CUBN: variants seen among roughly 807,000 people sequenced by gnomAD.
CUBN encodes cubilin.
A neutral mutation model predicts 405.3 loss-of-function variants in CUBN; 282 were observed. The ratio of observed to expected loss-of-function variants is 0.70; its 90% confidence interval spans 0.63 to 0.77. The LOEUF is 0.77. CUBN is among the 30% of genes least tolerant of loss of function. The pLI is 0.00. For synonymous variants in CUBN, 1,684 were observed against 1,617.0 expected, an observed-to-expected ratio of 1.04 and a Z score of -0.99; for missense variants, 4,514 against 4,475.2, an observed-to-expected ratio of 1.01 and a Z score of -0.25.
chr10:16,895,335 TTATACACACACACACACACACACATATA>T (rs1841150193), intron 54 of CUBN, among the ~76,000 whole-genome samples: 1 of 144,192 alleles, frequency 6.9e-6, no homozygotes. Flanking sequence ...ATATATATAT[TTATACACACACACACACACACACATATA>T]TATACACACA....
At position 16,952,345 on chromosome 10, in the gene CUBN, A is replaced by G; in HGVS notation, c.4900T>C (p.Ser1634Pro). The G allele has an allele frequency of 6.2e-7, 1 of 1,614,002 alleles. No homozygotes were observed. Among genetic ancestry groups the G allele is most frequent in the Non-Finnish European group, 8.5e-7 (1 of 1,179,904 alleles). ...ILTSSFDTVS[S>P]PRFPANYPNN... The stretch of plus-strand genomic sequence containing the variant: ...GGATAATTGGCAGGGAACCGTGGAG[A>G]GGAAACAGTATCAAATGAGCTGGTG... Residue 1634 changes from serine to proline, a missense_variant, in exon 33 of 67, where the codon TCT becomes CCT. By Grantham distance (74) the Ser-to-Pro change is moderately conservative. This residue lies in a region of CUBN where 1,613 missense variants were observed against 1,542.8 expected (regional missense o/e 1.05). Coordinates refer to ENST00000377833, the MANE Select transcript of CUBN (RefSeq NM_001081.4).
rs2131869647 is a variant in CUBN, at chr10:17,088,332, G to T, written c.1779C>A (p.Ile593=). 6.2e-7 allele frequency: 1 copy of T among 1,610,896 alleles called. No homozygotes were observed. Among genetic ancestry groups the T allele is most frequent in the Non-Finnish European group, 8.5e-7 (1 of 1,177,174 alleles). The change falls in exon 15 of 67, where the codon ATC becomes ATA. Residue 593 remains isoleucine (I), a synonymous_variant. Transcript: ENST00000377833. Reference sequence around the variant, plus strand: ...TAATAGAACCGTAAGGACCAGTCAGGATACCTCCACACTCTAAAATAAGAG... The same window carrying T: ...TAATAGAACCGTAAGGACCAGTCAGTATACCTCCACACTCTAAAATAAGAG... The part of the protein sequence containing the change: ...WETQQPECGG[I]LTGPYGSIKS...
chr10:17,018,094 G>A (rs1413970394), intron 28 of CUBN, among the ~76,000 whole-genome samples: 3 of 152,150 alleles, frequency 2.0e-5, no homozygotes, highest in South Asian at 2.1e-4. Context: ...TCCCAACTCC[G>A]AAGAGTTGGG....
intron 62 of CUBN, among the ~76,000 whole-genome samples, chr10:16,837,155 G>C (rs1192273445): frequency 6.6e-6 from 1 of 151,770 alleles, no homozygotes. Context: ...GCTGTATCCT[G>C]TGAACTTTAA....
At chr10:17,069,952 C>T (rs1835701336) in intron 19 of CUBN, among the ~76,000 whole-genome samples, 1 of 151,996 alleles carries the variant, frequency 6.6e-6, no homozygotes, top group African/African-American at 2.4e-5. Flanking sequence ...AAGGCTTTGC[C>T]TAAACTGAAG....
chr10:16,876,676 G>A (rs961873221), intron 57 of CUBN, among the ~76,000 whole-genome samples: 11 of 152,242 alleles, frequency 7.2e-5, no homozygotes, highest in Non-Finnish European at 1.3e-4. Flanking sequence ...TTCTTCATTT[G>A]ATTTTCAGAG....
chr10:16,970,556 A>C (rs1400971986), intron 31 of CUBN, among the ~76,000 whole-genome samples: 1 of 143,650 alleles, frequency 7.0e-6, no homozygotes, highest in Non-Finnish European at 1.5e-5. Flanking sequence ...AGCCTGGGCA[A>C]CAAGAGTGAA....
intron 56 of CUBN, among the ~76,000 whole-genome samples, chr10:16,885,149 T>G (rs117521166): frequency 6.6e-6 from 1 of 152,212 alleles, no homozygotes; most frequent in Non-Finnish European, 1.5e-5. Context: ...TCAATAAATG[T>G]CAGCATTGAT....
chr10:17,087,466 C>CTTTTCTTTTTTT (rs1404980820), intron 15 of CUBN, among the ~76,000 whole-genome samples: 3 of 79,770 alleles, frequency 3.8e-5, no homozygotes, highest in South Asian at 4.4e-4. Flanking sequence ...TATTATTTTT[C>CTTTTCTTTTTTT]TTTTTCTTTT....
chr10:16,828,545 C>T (rs1200108184), intron 66 of CUBN, among the ~76,000 whole-genome samples: 2 of 152,094 alleles, frequency 1.3e-5, no homozygotes, highest in Non-Finnish European at 2.9e-5. Context: ...TGGCAAAACC[C>T]TGTTTCTACT....
chr10:17,086,905 T>G (rs1836122653), intron 15 of CUBN, among the ~76,000 whole-genome samples: 1 of 152,216 alleles, frequency 6.6e-6, no homozygotes, highest in Admixed American at 6.5e-5. Flanking sequence ...TAGGAATTTT[T>G]TAAAGCCTCT....
At chr10:17,107,337 A>C (rs1836657747) in intron 10 of CUBN, among the ~76,000 whole-genome samples, 1 of 152,238 alleles carries the variant, frequency 6.6e-6, no homozygotes, top group Admixed American at 6.5e-5. Context: ...AATGGTTGAA[A>C]TAATACAAGG....
chr10:17,123,170 T>C (rs1326215804), intron 5 of CUBN, among the ~76,000 whole-genome samples: 1 of 152,164 alleles, frequency 6.6e-6, no homozygotes, highest in Non-Finnish European at 1.5e-5. Context: ...ACAGTGGTGC[T>C]ACATCTGGGA....
At chr10:16,898,059 AT>A (rs955666578) in intron 54 of CUBN, among the ~76,000 whole-genome samples, 16 of 64,416 alleles carry the variant, frequency 2.5e-4, no homozygotes, top group African/African-American at 8.9e-4. Flanking sequence ...AATGTATTTT[AT>A]TATATGTATA....
intron 22 of CUBN, among the ~76,000 whole-genome samples, chr10:17,064,202 T>C (rs1157590317): frequency 6.6e-6 from 1 of 152,182 alleles, no homozygotes; most frequent in African/African-American, 2.4e-5. Context: ...AAAGTATTGA[T>C]TGATTCTCTC....
chr10:17,122,670 A>T (rs76655219), intron 6 of CUBN, 125 bp downstream of exon 6: 1 of 699,802 alleles, frequency 1.4e-6, no homozygotes, highest in Non-Finnish European at 2.6e-6. Flanking sequence ...AGAGCTAAAT[A>T]TTTCCTCATG....
Position 16,925,654 on chromosome 10 carries a change from G to A in CUBN, c.6392C>T (p.Ala2131Val). ...CTGGAAAGGCTGTTCAAAATGGACA[G>A]CAATGGTCAGGCCACTTTGGACCAG... is the stretch of plus-strand genomic sequence containing the variant. The part of the protein sequence containing the change: ...HVLVQSGLTI[A>V]VHFEQPFQIP... Residue 2131 changes from alanine to valine, a missense_variant, in exon 42 of 67, where the codon GCT becomes GTT. By Grantham distance (64) the Ala-to-Val change is moderately conservative. Around this residue, in one of 5 missense-constraint regions of CUBN, gnomAD observed 1,613 missense variants for 1,542.8 expected, o/e 1.05. Coordinates refer to ENST00000377833, the MANE Select transcript of CUBN (RefSeq NM_001081.4). The A allele has an allele frequency of 6.2e-7, 1 of 1,614,040 alleles. No individual in the cohort carries two copies. The highest frequency in any genetic ancestry group is 8.5e-7 in the Non-Finnish European group (1 of 1,179,978).
chr10:16,962,596 T>G (rs1431347819), intron 31 of CUBN, among the ~76,000 whole-genome samples: 1 of 152,170 alleles, frequency 6.6e-6, no homozygotes, highest in Non-Finnish European at 1.5e-5. Context: ...AGTGATAGTC[T>G]GTCACCTCCA....
intron 29 of CUBN, among the ~76,000 whole-genome samples, 177 bp downstream of exon 29, chr10:16,990,157 C>T (rs1477685621): frequency 2.6e-5 from 4 of 152,232 alleles, no homozygotes; most frequent in African/African-American, 9.6e-5. Context: ...TTCAGGAAAA[C>T]CCAAACCACA....
Sources: gnomAD v4.1 joint callset for allele counts (sites outside exome capture counted in the v4.1 genomes callset) on GRCh38, gnomAD v4.1.1 for gene constraint, gnomAD v4.1.1 regional missense constraint, MANE v1.5 for transcripts, NCBI Gene and HGNC (gene_info 2026-07-23, HGNC 2026-07-21) for gene names.